Variants in ZFHX3 observed in about 807,000 individuals in gnomAD.
ZFHX3 encodes zinc finger homeobox 3, also known as zinc finger homeobox protein 3.
In ZFHX3, 42 loss-of-function variants were observed where a neutral mutation model predicts 279.1. The ratio of observed to expected loss-of-function variants is 0.15; its 90% confidence interval spans 0.12 to 0.19. The LOEUF is 0.19. ZFHX3 is among the 10% of genes least tolerant of loss of function. ZFHX3 has a pLI of 1.00. For missense variants in ZFHX3, 4,981 were observed against 4,754.0 expected, an observed-to-expected ratio of 1.05 and a Z score of -1.40; for synonymous variants, 2,293 against 1,957.8, an observed-to-expected ratio of 1.17 and a Z score of -4.52.
chr16:73,835,486 T>A lies in ZFHX3; in HGVS notation c.-1608+56165A>T, dbSNP rs546462910. Among the ~76,000 whole-genome samples, 176 of 144,692 alleles carry A rather than the reference T, an allele frequency of 1.2e-3. 3 individuals are homozygous for A. Among genetic ancestry groups the A allele is most frequent in the African/African-American group, 4.4e-3 (169 of 38,704 alleles). 94.9% of individuals were successfully genotyped at this position (144,692 alleles called of 152,430 possible). On this transcript the variant is annotated intron_variant, in intron 1 of 17. Transcript: ENST00000641206. ...TTTTTTTTTTTTTTTTTTTTTTTTT[T>A]TGAGATGGAGTTTCACTCTTGTCAT...
chr16:73,302,563 C>A (rs1001583458), intron 4 of ZFHX3, among the ~76,000 whole-genome samples: 2 of 152,222 alleles, frequency 1.3e-5, no homozygotes, highest in Non-Finnish European at 2.9e-5. Flanking sequence ...ACTCCGAATA[C>A]CCTAACAGGT....
chr16:73,694,362 G>C (rs2053176004), intron 1 of ZFHX3, among the ~76,000 whole-genome samples: 1 of 151,592 alleles, frequency 6.6e-6, no homozygotes, highest in Non-Finnish European at 1.5e-5. Context: ...TTATTTTTTT[G>C]AGATGGAGTC....
chr16:73,478,407 A>G (rs77466086), intron 2 of ZFHX3, among the ~76,000 whole-genome samples: 11 of 152,068 alleles, frequency 7.2e-5, no homozygotes, highest in African/African-American at 1.4e-4. Context: ...CTGCTAGTTT[A>G]TTTTAATGCA....
intron 2 of ZFHX3, among the ~76,000 whole-genome samples, chr16:73,481,938 G>C (rs1243931748): frequency 1.3e-5 from 2 of 152,184 alleles, no homozygotes; most frequent in Non-Finnish European, 2.9e-5. Flanking sequence ...CTGTTGTCAT[G>C]ATGACCCCAT....
intron 2 of ZFHX3, chr16:73,483,478 A>T (rs1236133663): frequency 4.6e-6 from 2 of 432,480 alleles, no homozygotes; most frequent in Non-Finnish European, 9.2e-6. Flanking sequence ...TGCCAATTCA[A>T]ATGGCAGTTC....
At chr16:72,961,414 G>T (rs1475904407) in intron 1 of ZFHX3, among the ~76,000 whole-genome samples, 1 of 152,214 alleles carries the variant, frequency 6.6e-6, no homozygotes. Context: ...CATCGCAGGG[G>T]CGATCATTCC....
intron 5 of ZFHX3, among the ~76,000 whole-genome samples, chr16:73,242,645 C>G (rs1209042678): frequency 6.6e-6 from 1 of 152,170 alleles, no homozygotes; most frequent in Admixed American, 6.5e-5. Context: ...CAAGATGCTC[C>G]CTTGGAAAAG....
At chr16:73,065,212 C>T (rs1965732432) in intron 8 of ZFHX3, among the ~76,000 whole-genome samples, 1 of 152,190 alleles carries the variant, frequency 6.6e-6, no homozygotes. Context: ...GGGCCAGCGC[C>T]GGGAGACGGT....
intron 3 of ZFHX3, among the ~76,000 whole-genome samples, chr16:73,355,820 C>T (rs1007312214): frequency 1.3e-5 from 2 of 152,240 alleles, no homozygotes; most frequent in South Asian, 2.1e-4. Flanking sequence ...TCCAACAGAG[C>T]GCGACGGTAC....
chr16:73,637,681 G>T (rs1349404752), intron 2 of ZFHX3, among the ~76,000 whole-genome samples: 2 of 152,012 alleles, frequency 1.3e-5, no homozygotes, highest in African/African-American at 2.4e-5. Context: ...AGGATTCCAT[G>T]AAGCAAGAGA....
intron 2 of ZFHX3, among the ~76,000 whole-genome samples, chr16:73,509,266 C>T (rs2019380619): frequency 6.6e-6 from 1 of 152,160 alleles, no homozygotes; most frequent in African/African-American, 2.4e-5. Context: ...CCAGATCCCT[C>T]TGTTTTGAAA....
At position 72,866,701 on chromosome 16, in the gene ZFHX3, T is replaced by C. The variant is rs529322568; in HGVS notation, c.3448+23030A>G. Among the ~76,000 whole-genome samples, 28 of 152,246 alleles carry C rather than the reference T, an allele frequency of 1.8e-4. No individual in the cohort carries two copies. The South Asian group carries it at 5.6e-3, about 30-fold the overall frequency. ...AAAAGGAAATGAGATGGGTGCTGGGTCTAAGTAGAATGTCCAAGGACATTT... is the reference window on the plus strand; with the variant it reads ...AAAAGGAAATGAGATGGGTGCTGGGCCTAAGTAGAATGTCCAAGGACATTT... On this transcript the variant is annotated intron_variant, in intron 4 of 9. Transcript: ENST00000268489.
At chr16:73,786,924 G>A (rs1959667763) in intron 1 of ZFHX3, among the ~76,000 whole-genome samples, 1 of 152,124 alleles carries the variant, frequency 6.6e-6, no homozygotes, top group South Asian at 2.1e-4. Context: ...ACCTCAGACT[G>A]GCTCAATTCT....
chr16:73,095,581 G>A (rs1243441072), intron 7 of ZFHX3, among the ~76,000 whole-genome samples: 1 of 152,196 alleles, frequency 6.6e-6, no homozygotes, highest in Non-Finnish European at 1.5e-5. Context: ...ATTCATGGCT[G>A]CAGCTTTTGT....
Position 73,408,611 on chromosome 16 carries a change from C to T in ZFHX3, c.-1291+47392G>A, listed in dbSNP as rs186519670. On this transcript the variant is annotated intron_variant, in intron 3 of 17. Coordinates refer to the ZFHX3 transcript ENST00000641206. ...TACTCCTTTGGGAATGAGAGGAACA[C>T]GAGCAGAGCGGGGCTTTGGAAATCC... 4.1e-4 allele frequency among the ~76,000 whole-genome samples: 62 copies of T among 152,266 alleles called. 1 individual carries two copies. In the South Asian group the frequency reaches 9.5e-3, roughly 23 times the overall value.
intron 1 of ZFHX3, among the ~76,000 whole-genome samples, chr16:73,879,327 C>T (rs2142410378): frequency 6.7e-6 from 1 of 149,036 alleles, no homozygotes. Context: ...CCCCCGGCTT[C>T]ATAAGCACAA....
chr16:73,785,620 G>A (rs561074814), intron 1 of ZFHX3, among the ~76,000 whole-genome samples: 1 of 152,092 alleles, frequency 6.6e-6, no homozygotes, highest in Non-Finnish European at 1.5e-5. Context: ...TCGGTATAAA[G>A]GTGGGGTGGT....
At chr16:73,734,618 G>A (rs574174435) in intron 1 of ZFHX3, among the ~76,000 whole-genome samples, 2 of 152,160 alleles carry the variant, frequency 1.3e-5, no homozygotes, top group African/African-American at 4.8e-5. Flanking sequence ...AGAATTTGTA[G>A]AGAAAATAAT....
At chr16:73,769,200 A>T (rs1263758457) in intron 1 of ZFHX3, among the ~76,000 whole-genome samples, 1 of 152,108 alleles carries the variant, frequency 6.6e-6, no homozygotes, top group Non-Finnish European at 1.5e-5. Flanking sequence ...AAACTTTCCC[A>T]ACTTTACACA....
Sources: gnomAD v4.1 joint callset for allele counts (sites outside exome capture counted in the v4.1 genomes callset) on GRCh38, gnomAD v4.1.1 for gene constraint, MANE v1.5 for transcripts, NCBI Gene and HGNC (gene_info 2026-07-23, HGNC 2026-07-21) for gene names.